TCF7L1: variants seen among roughly 807,000 people sequenced by gnomAD.
TCF7L1 encodes the protein transcription factor 7-like 1.
TCF7L1 carries 18 observed loss-of-function variants against 63.7 expected under a neutral mutation model. The observed-to-expected ratio is 0.28, with a 90% CI of 0.20 to 0.42. The LOEUF (loss-of-function observed/expected upper bound fraction) is 0.42, where lower values mean the gene tolerates loss of function less well. Ranked by LOEUF, TCF7L1 falls within the 10% of genes least tolerant of loss-of-function variation. The pLI, the probability that TCF7L1 is intolerant of heterozygous loss-of-function variation, is 1.00. For missense variants in TCF7L1, 654 were observed against 779.3 expected, an observed-to-expected ratio of 0.84 and a Z score of 1.91; for synonymous variants, 355 against 340.9, an observed-to-expected ratio of 1.04 and a Z score of -0.46.
chr2:85,151,188 C>T (rs938581544), intron 3 of TCF7L1, among the ~76,000 whole-genome samples: 1 of 152,120 alleles, frequency 6.6e-6, no homozygotes, highest in Non-Finnish European at 1.5e-5. Flanking sequence ...GTTGAGATAG[C>T]AAAGTTGACA....
intron 4 of TCF7L1, among the ~76,000 whole-genome samples, chr2:85,290,244 G>A (rs922656566): frequency 1.3e-5 from 2 of 152,168 alleles, no homozygotes; most frequent in Non-Finnish European, 2.9e-5. Context: ...GCCTCCCAAA[G>A]TGCTGGAATT....
chr2:85,284,987 A>C (rs1681507893), intron 4 of TCF7L1, among the ~76,000 whole-genome samples: 1 of 152,216 alleles, frequency 6.6e-6, no homozygotes, highest in South Asian at 2.1e-4. Context: ...TAATCCCAGC[A>C]CTTTGGGAGG....
chr2:85,265,560 G>C (rs571172113), intron 3 of TCF7L1, among the ~76,000 whole-genome samples: 1 of 152,134 alleles, frequency 6.6e-6, no homozygotes, highest in South Asian at 2.1e-4. Context: ...GGAAGGACTC[G>C]TGCAGCTGGC....
intron 3 of TCF7L1, among the ~76,000 whole-genome samples, chr2:85,183,846 C>T (rs539203068): frequency 2.0e-5 from 3 of 152,322 alleles, no homozygotes; most frequent in East Asian, 3.9e-4. Context: ...GCTCAACCCA[C>T]TTCTGGAGCT....
chr2:85,178,963 T>A (rs1395526671), intron 3 of TCF7L1, among the ~76,000 whole-genome samples: 1 of 152,142 alleles, frequency 6.6e-6, no homozygotes, highest in African/African-American at 2.4e-5. Context: ...AGAAAGGGGC[T>A]GGTTAACCTG....
At chr2:85,257,946 C>A (rs2104342706) in intron 3 of TCF7L1, among the ~76,000 whole-genome samples, 1 of 152,310 alleles carries the variant, frequency 6.6e-6, no homozygotes, top group South Asian at 2.1e-4. Context: ...CCATGAGACT[C>A]AGTATAACAG....
chr2:85,193,739 TAAG>T (rs1046510169), intron 3 of TCF7L1, among the ~76,000 whole-genome samples: 1 of 152,160 alleles, frequency 6.6e-6, no homozygotes, highest in African/African-American at 2.4e-5. Context: ...ACTGGTATTG[TAAG>T]AAAATGTCTT....
intron 3 of TCF7L1, among the ~76,000 whole-genome samples, chr2:85,139,314 G>A (rs1227199716): frequency 6.6e-6 from 1 of 152,014 alleles, no homozygotes; most frequent in Non-Finnish European, 1.5e-5. Flanking sequence ...GCCTAGATTT[G>A]CACTCTTAAA....
Position 85,309,796 on chromosome 2 carries a change from T to G in TCF7L1, c.*334T>G, listed in dbSNP as rs559219810. 1.2e-5 allele frequency: 3 copies of G among 242,982 alleles called. No individual in the cohort carries two copies. Among genetic ancestry groups the G allele is most frequent in the South Asian group, 3.0e-4 (2 of 6,638 alleles). The allele number at this position is 242,982 out of a possible 1,614,324, so 15.1% of individuals were successfully genotyped here. A position where few individuals can be genotyped will look rare whatever the true frequency, so the allele number is the denominator to read the frequency against. On this transcript the variant is annotated 3_prime_UTR_variant, in exon 12 of 12. Coordinates refer to ENST00000282111, the MANE Select transcript of TCF7L1 (RefSeq NM_031283.3). ...TCTTGCACTTTCTGTCTCCTGTCTC[T>G]TCTCGCCCCTGCCGCCTGCCCCAGC...
intron 3 of TCF7L1, among the ~76,000 whole-genome samples, chr2:85,216,447 G>A (rs1679713831): frequency 6.6e-6 from 1 of 152,104 alleles, no homozygotes; most frequent in Non-Finnish European, 1.5e-5. Flanking sequence ...CGGAAACGAT[G>A]GATTCCAAAC....
chr2:85,305,498 C>A, intron 8 of TCF7L1, 95 bp downstream of exon 8: 1 of 1,422,298 alleles, frequency 7.0e-7, no homozygotes, highest in Non-Finnish European at 9.3e-7. Context: ...ACTCTTCTCT[C>A]TTGGTGTCAC....
At chr2:85,176,977 ACT>A (rs1458986928) in intron 3 of TCF7L1, among the ~76,000 whole-genome samples, 2 of 133,762 alleles carry the variant, frequency 1.5e-5, no homozygotes, top group Admixed American at 8.4e-5. Flanking sequence ...ACAGAGCGAG[ACT>A]CTGTCTCAAA....
At chr2:85,246,716 G>T (rs1456694272) in intron 3 of TCF7L1, among the ~76,000 whole-genome samples, 3 of 152,170 alleles carry the variant, frequency 2.0e-5, no homozygotes, top group Non-Finnish European at 2.9e-5. Context: ...TGAGCCAAGT[G>T]CTCAGCAGAA....
At chr2:85,239,944 T>TAAA (rs11337671) in intron 3 of TCF7L1, among the ~76,000 whole-genome samples, 25 of 104,378 alleles carry the variant, frequency 2.4e-4, no homozygotes, top group African/African-American at 8.0e-4. Flanking sequence ...AGACTCCATC[T>TAAA]AAAAAAAAAA....
chr2:85,227,247 C>T (rs1256596502), intron 3 of TCF7L1, among the ~76,000 whole-genome samples: 4 of 152,308 alleles, frequency 2.6e-5, no homozygotes, highest in East Asian at 3.9e-4. Flanking sequence ...CTGCATTGCT[C>T]TGCTCTGCTT....
intron 3 of TCF7L1, among the ~76,000 whole-genome samples, chr2:85,159,148 G>T (rs185634771): frequency 2.9e-4 from 44 of 152,268 alleles, no homozygotes; most frequent in African/African-American, 9.9e-4. Flanking sequence ...GGGAGTCTTG[G>T]ACCGAGAGAG....
chr2:85,308,462 T>TCCCTCCCTTCCTTTCTCCCTCCCTCCCA (rs1682189355), intron 11 of TCF7L1, among the ~76,000 whole-genome samples: 1 of 84,124 alleles, frequency 1.2e-5, no homozygotes. Flanking sequence ...CCTCCCTCTC[T>TCCCTCCCTTCCTTTCTCCCTCCCTCCCA]TTCCCTCCCT....
Position 85,182,384 on chromosome 2 carries a change from G to A in TCF7L1, c.441+47934G>A, listed in dbSNP as rs548438738. Among the ~76,000 whole-genome samples, 21 of 152,340 alleles carry A rather than the reference G, an allele frequency of 1.4e-4. No homozygotes were observed. The South Asian group carries it at 4.3e-3, about 32-fold the overall frequency. On this transcript the variant is annotated intron_variant, in intron 3 of 11. Coordinates refer to ENST00000282111, the MANE Select transcript of TCF7L1 (RefSeq NM_031283.3). ...TGCTGGCCTGGGGTGCCAGGGAGCT[G>A]AGGGTAGAAGGAATGTATTAATGCC...
At chr2:85,195,860 T>C (rs13423910) in intron 3 of TCF7L1, among the ~76,000 whole-genome samples, 21,313 of 152,114 alleles carry the variant, frequency 0.14, 1,752 homozygotes, top group African/African-American at 0.2. Flanking sequence ...TTTTCTTTCT[T>C]AAAAACCATA....
Sources: allele counts gnomAD v4.1 joint callset (sites outside exome capture counted in the v4.1 genomes callset), GRCh38; gene constraint gnomAD v4.1.1; transcripts MANE v1.5; gene names NCBI Gene and HGNC (gene_info 2026-07-23, HGNC 2026-07-21).